Variants in ATF6 observed in about 807,000 individuals in gnomAD.
The protein encoded by ATF6 is cyclic AMP-dependent transcription factor ATF-6 alpha.
In ATF6, 53 loss-of-function variants were observed where a neutral mutation model predicts 83.6. The ratio of observed to expected loss-of-function variants is 0.63; its 90% CI spans 0.51 to 0.80. The LOEUF (loss-of-function observed/expected upper bound fraction) is 0.80, where lower values mean the gene tolerates loss of function less well. Ranked by LOEUF, ATF6 falls within the 30% of genes least tolerant of loss-of-function variation. The pLI, the probability that ATF6 is intolerant of heterozygous loss-of-function variation, is 0.00. For synonymous variants in ATF6, 288 were observed against 285.8 expected (o/e 1.01, Z -0.08); for missense variants, 744 against 797.9 (o/e 0.93, Z 0.81).
At chr1:161,791,724 T>A (rs1216207071) in intron 5 of ATF6, among the ~76,000 whole-genome samples, 187 bp downstream of exon 5, 2 of 152,222 alleles carry the variant, frequency 1.3e-5, no homozygotes, top group Non-Finnish European at 2.9e-5. Flanking sequence ...AATCTTTGGT[T>A]GTCTCTGTCT....
chr1:161,918,757 A>T (rs1688148543), intron 15 of ATF6, among the ~76,000 whole-genome samples: 1 of 152,218 alleles, frequency 6.6e-6, no homozygotes, highest in African/African-American at 2.4e-5. Context: ...TGTGGAGGTG[A>T]TCCCTCTCTC....
At chr1:161,796,884 C>G (rs1015901864) in intron 6 of ATF6, among the ~76,000 whole-genome samples, 3 of 150,638 alleles carry the variant, frequency 2.0e-5, no homozygotes, top group African/African-American at 7.3e-5. Flanking sequence ...CCTGATTGCT[C>G]TGGCTATGAC....
intron 14 of ATF6, among the ~76,000 whole-genome samples, chr1:161,888,895 T>C (rs1687488259): frequency 6.6e-6 from 1 of 152,202 alleles, no homozygotes; most frequent in African/African-American, 2.4e-5. Flanking sequence ...CCTTATTTCC[T>C]GACACTTTCC....
chr1:161,944,049 C>A (rs1453812857), intron 15 of ATF6, among the ~76,000 whole-genome samples: 3 of 152,102 alleles, frequency 2.0e-5, no homozygotes, highest in Non-Finnish European at 4.4e-5. Flanking sequence ...AATAGAAAGT[C>A]AAAGAAGCTA....
chr1:161,818,244 C>T (rs2101780998), intron 7 of ATF6, among the ~76,000 whole-genome samples: 1 of 152,214 alleles, frequency 6.6e-6, no homozygotes, highest in South Asian at 2.1e-4. Context: ...CATCTGTGTA[C>T]TCATACTAAT....
intron 14 of ATF6, among the ~76,000 whole-genome samples, chr1:161,901,845 T>C (rs2101879954): frequency 6.6e-6 from 1 of 152,330 alleles, no homozygotes. Context: ...TTGATCTATC[T>C]TGCAGTTTGA....
chr1:161,891,328 T>A (rs546819106), intron 14 of ATF6: 2 of 152,308 alleles, frequency 1.3e-5, no homozygotes, highest in Non-Finnish European at 2.9e-5. Flanking sequence ...ACAGTGCACA[T>A]GTAGGTGCAC....
chr1:161,819,033 GAC>G (rs1685684997), intron 7 of ATF6, among the ~76,000 whole-genome samples: 1 of 152,114 alleles, frequency 6.6e-6, no homozygotes, highest in African/African-American at 2.4e-5. Flanking sequence ...TAATTACTGA[GAC>G]ACATTTTCAC....
intron 12 of ATF6, among the ~76,000 whole-genome samples, chr1:161,856,529 T>C (rs1241137519): frequency 2.0e-5 from 3 of 152,216 alleles, no homozygotes; most frequent in South Asian, 2.1e-4. Flanking sequence ...GTGCATCTTA[T>C]TGGCAGAATC....
At chr1:161,837,592 A>G (rs1447082671) in intron 9 of ATF6, among the ~76,000 whole-genome samples, 1 of 151,340 alleles carries the variant, frequency 6.6e-6, no homozygotes, top group African/African-American at 2.4e-5. Flanking sequence ...CAGATTTCTC[A>G]ATTACTTGCT....
intron 4 of ATF6, 31 bp downstream of exon 4, chr1:161,784,127 G>A (rs1910480): frequency 6.7e-7 from 1 of 1,488,090 alleles, no homozygotes; most frequent in Non-Finnish European, 9.4e-7. Context: ...AATGATTTTG[G>A]TTATAATATG....
intron 8 of ATF6, 50 bp downstream of exon 8, chr1:161,819,868 G>A: frequency 7.0e-7 from 1 of 1,438,452 alleles, no homozygotes; most frequent in Non-Finnish European, 9.3e-7. Flanking sequence ...GTATCCTCTG[G>A]ATTAATAAAT....
At chr1:161,917,452 G>A (rs544526395) in intron 15 of ATF6, among the ~76,000 whole-genome samples, 11 of 149,410 alleles carry the variant, frequency 7.4e-5, no homozygotes, top group African/African-American at 2.0e-4. Context: ...GCAGAGTCTC[G>A]CTCTGTCGCC....
intron 2 of ATF6, among the ~76,000 whole-genome samples, chr1:161,780,565 G>A (rs1288876478): frequency 1.3e-5 from 2 of 151,946 alleles, no homozygotes; most frequent in African/African-American, 2.4e-5. Flanking sequence ...AGTAGAGATG[G>A]GGTTTCACCA....
At chr1:161,814,511 T>C (rs1338831819) in intron 7 of ATF6, among the ~76,000 whole-genome samples, 6 of 152,300 alleles carry the variant, frequency 3.9e-5, no homozygotes, top group African/African-American at 7.2e-5. Flanking sequence ...TTTTAAAAAA[T>C]AGAAGGAAAT....
chr1:161,808,327 T>C (rs887629862), intron 7 of ATF6, among the ~76,000 whole-genome samples: 4 of 152,196 alleles, frequency 2.6e-5, no homozygotes, highest in Non-Finnish European at 4.4e-5. Context: ...AGTCCTTTTA[T>C]ACCCCAGAGA....
At chr1:161,796,425 G>A (rs1685023135) in intron 6 of ATF6, among the ~76,000 whole-genome samples, 1 of 152,178 alleles carries the variant, frequency 6.6e-6, no homozygotes, top group Admixed American at 6.6e-5. Context: ...ATTGGTTTAA[G>A]TCAGTGGTTC....
At chr1:161,859,901 A>G (rs1335544311) in intron 12 of ATF6, among the ~76,000 whole-genome samples, 6 of 152,170 alleles carry the variant, frequency 3.9e-5, no homozygotes, top group Admixed American at 3.9e-4. Context: ...AGACATTGTT[A>G]TATGTTCAGT....
intron 14 of ATF6, among the ~76,000 whole-genome samples, chr1:161,873,469 A>G (rs56154786): frequency 0.041 from 6,186 of 151,532 alleles, 191 homozygotes; most frequent in Non-Finnish European, 0.063. Flanking sequence ...TGAAACACTC[A>G]TGTCATTTCC....
Sources: gnomAD v4.1 joint callset for allele counts (sites outside exome capture counted in the v4.1 genomes callset) on GRCh38, gnomAD v4.1.1 for gene constraint, MANE v1.5 for transcripts, NCBI Gene and HGNC (gene_info 2026-07-23, HGNC 2026-07-21) for gene names.